The following NAALADL2 variants were observed in gnomAD, a reference collection of about 807,000 sequenced individuals.
NAALADL2 encodes the protein N-acetylated alpha-linked acidic dipeptidase like 2, also known as inactive N-acetylated-alpha-linked acidic dipeptidase-like protein 2.
Under a neutral mutation model 87.2 loss-of-function variants are expected in NAALADL2, and 76 were observed. The observed-to-expected ratio is 0.87, with a 90% CI of 0.72 to 1.05. The LOEUF is 1.05. Ranked by LOEUF, NAALADL2 falls within the 50% of genes least tolerant of loss-of-function variation. The probability of loss-of-function intolerance (pLI) is 0.00; values close to 1 mark genes in which losing one functional copy is unlikely to be tolerated. For missense variants in NAALADL2, 1,089 were observed against 945.8 expected (o/e 1.15, Z -1.99); for synonymous variants, 354 against 331.0 (o/e 1.07, Z -0.75).
chr3:175,367,714 A>T (rs1027462904), intron 5 of NAALADL2, among the ~76,000 whole-genome samples: 39 of 152,302 alleles, frequency 2.6e-4, no homozygotes, highest in African/African-American at 9.1e-4. Context: ...TTGTATCCTG[A>T]AACTTTGCTG....
chr3:175,073,849 G>T (rs76993500), intron 1 of NAALADL2, among the ~76,000 whole-genome samples: 1 of 152,016 alleles, frequency 6.6e-6, no homozygotes, highest in Non-Finnish European at 1.5e-5. Context: ...TGGAATGATC[G>T]TCATAAAAAG....
intron 9 of NAALADL2, among the ~76,000 whole-genome samples, chr3:175,550,980 TGTG>T: frequency 6.6e-6 from 1 of 152,302 alleles, no homozygotes; most frequent in South Asian, 2.1e-4. Context: ...ATTTATCTGT[TGTG>T]GTAGAGTTGG....
intron 1 of NAALADL2, among the ~76,000 whole-genome samples, chr3:174,899,961 TA>T (rs1732109502): frequency 6.6e-6 from 1 of 152,068 alleles, no homozygotes. Flanking sequence ...GTAGGTTCTT[TA>T]AATAAAAATT....
intron 13 of NAALADL2, among the ~76,000 whole-genome samples, chr3:175,766,924 C>T (rs575999919): frequency 7.0e-4 from 107 of 152,088 alleles, no homozygotes; most frequent in Non-Finnish European, 1.1e-3. Context: ...AAAAAAAATA[C>T]GGAGCAAGTA....
chr3:175,574,763 T>A (rs1290627684), intron 9 of NAALADL2, among the ~76,000 whole-genome samples: 1 of 152,160 alleles, frequency 6.6e-6, no homozygotes, highest in Non-Finnish European at 1.5e-5. Flanking sequence ...TTATTTTATA[T>A]AGATTATATT....
At chr3:174,582,935 T>C (rs970363237) in intron 2 of NAALADL2, among the ~76,000 whole-genome samples, 26 of 152,172 alleles carry the variant, frequency 1.7e-4, no homozygotes, top group African/African-American at 6.3e-4. Context: ...TTTTTTAAAC[T>C]TGATATTTTA....
At chr3:175,509,581 T>G (rs1386675223) in intron 9 of NAALADL2, among the ~76,000 whole-genome samples, 1 of 152,220 alleles carries the variant, frequency 6.6e-6, no homozygotes, top group Non-Finnish European at 1.5e-5. Context: ...TAGGTGTTTA[T>G]TTATTTGAAA....
At chr3:174,494,115 A>G (rs968135219) in intron 1 of NAALADL2, among the ~76,000 whole-genome samples, 1 of 152,152 alleles carries the variant, frequency 6.6e-6, no homozygotes, top group Non-Finnish European at 1.5e-5. Context: ...GAATAATAAA[A>G]TCAGGTTGCA....
chr3:175,012,420 G>A (rs967638979), intron 1 of NAALADL2, among the ~76,000 whole-genome samples: 3 of 152,014 alleles, frequency 2.0e-5, no homozygotes, highest in Admixed American at 6.6e-5. Context: ...CGCCCACAAC[G>A]GCCTCCCAAA....
At chr3:175,132,035 CA>C (rs1728059187) in intron 2 of NAALADL2, among the ~76,000 whole-genome samples, 1 of 127,562 alleles carries the variant, frequency 7.8e-6, no homozygotes, top group Admixed American at 7.4e-5. Flanking sequence ...GGCGGCTGGC[CA>C]GGCAGAGGGG....
At chr3:175,023,092 T>C (rs4558763) in intron 1 of NAALADL2, among the ~76,000 whole-genome samples, 23,960 of 152,034 alleles carry the variant, frequency 0.16, 2,404 homozygotes, top group East Asian at 0.26. Flanking sequence ...TTCCAATAGG[T>C]TCTTTTGCAT....
intron 1 of NAALADL2, among the ~76,000 whole-genome samples, chr3:174,951,637 G>A (rs917479592): frequency 2.0e-5 from 3 of 151,974 alleles, no homozygotes; most frequent in African/African-American, 7.2e-5. Context: ...GTGCCTAAGT[G>A]CTTTTATATT....
intron 3 of NAALADL2, among the ~76,000 whole-genome samples, chr3:174,753,077 CCTT>C (rs1734993656): frequency 6.6e-6 from 1 of 152,044 alleles, no homozygotes; most frequent in South Asian, 2.1e-4. Flanking sequence ...AACAAATTTA[CCTT>C]CTTGTTGATC....
intron 5 of NAALADL2, among the ~76,000 whole-genome samples, chr3:175,442,413 A>G (rs1719944685): frequency 6.6e-6 from 1 of 152,180 alleles, no homozygotes; most frequent in South Asian, 2.1e-4. Context: ...TTAAGGATGT[A>G]CAATTAGAAC....
chr3:174,910,213 G>T (rs1431362410), intron 1 of NAALADL2, among the ~76,000 whole-genome samples: 1 of 151,986 alleles, frequency 6.6e-6, no homozygotes, highest in East Asian at 1.9e-4. Context: ...AAACAAAAAA[G>T]TGTGAAGAGT....
intron 8 of NAALADL2, among the ~76,000 whole-genome samples, chr3:175,470,625 T>G (rs1257641335): frequency 6.6e-6 from 1 of 152,158 alleles, no homozygotes; most frequent in African/African-American, 2.4e-5. Flanking sequence ...TGTAATCTTT[T>G]AGGACATTTC....
chr3:175,053,718 G>A (rs1711514037), intron 1 of NAALADL2, among the ~76,000 whole-genome samples: 1 of 152,180 alleles, frequency 6.6e-6, no homozygotes, highest in South Asian at 2.1e-4. Context: ...AAGAGAATTA[G>A]GTTCCAATCC....
At chr3:175,627,765 A>G (rs1727193717) in intron 11 of NAALADL2, among the ~76,000 whole-genome samples, 1 of 151,708 alleles carries the variant, frequency 6.6e-6, no homozygotes, top group Admixed American at 6.6e-5. Context: ...TACTTATCCC[A>G]GTGCTGATAA....
chr3:175,514,459 A>T (rs1476964068), intron 9 of NAALADL2, among the ~76,000 whole-genome samples: 1 of 152,176 alleles, frequency 6.6e-6, no homozygotes, highest in Non-Finnish European at 1.5e-5. Flanking sequence ...AAGACATTTT[A>T]GGGGACATTA....
Sources: gnomAD v4.1 joint callset for allele counts (sites outside exome capture counted in the v4.1 genomes callset) on GRCh38, gnomAD v4.1.1 for gene constraint, MANE v1.5 for transcripts, NCBI Gene and HGNC (gene_info 2026-07-23, HGNC 2026-07-21) for gene names.